Variants in RFC3 observed in about 807,000 individuals in gnomAD.
The protein encoded by RFC3 is replication factor C subunit 3.
RFC3 carries 41 observed loss-of-function variants against 45.1 expected under a neutral mutation model. The ratio of observed to expected loss-of-function variants is 0.91; its 90% CI spans 0.71 to 1.18. RFC3 has a LOEUF of 1.18. Ranked by LOEUF, RFC3 falls within the 50% of genes most tolerant of loss-of-function variation. The probability of loss-of-function intolerance (pLI) is 0.00; values close to 1 mark genes in which losing one functional copy is unlikely to be tolerated. For synonymous variants in RFC3, 149 were observed against 144.0 expected, an observed-to-expected ratio of 1.03 and a Z score of -0.25; for missense variants, 423 against 428.1, an observed-to-expected ratio of 0.99 and a Z score of 0.10.
chr13:33,914,663 T>C (rs145162053), intron 8 of RFC3, among the ~76,000 whole-genome samples: 380 of 152,208 alleles, frequency 2.5e-3, no homozygotes, highest in African/African-American at 8.8e-3. Flanking sequence ...TTTATAAGAA[T>C]AAATTGGAAA....
In RFC3 at chr13:33,825,887, G is replaced by T; in HGVS notation, c.391+1G>T. 1 of 1,593,396 alleles carries T rather than the reference G, an allele frequency of 6.3e-7. No homozygotes were observed. Among genetic ancestry groups the T allele is most frequent in the Non-Finnish European group, 8.6e-7 (1 of 1,166,786 alleles). On this transcript the variant is annotated splice_donor_variant, in intron 4 of 8. Transcript: ENST00000380071. LOFTEE classifies it high-confidence loss of function. Reference sequence around the variant, plus strand: ...ACAAACTCTCAAAGGGATTTTAAAGGTAGGTGATCAAAAGACTTCTTTTTA... The same window carrying T: ...ACAAACTCTCAAAGGGATTTTAAAGTTAGGTGATCAAAAGACTTCTTTTTA...
chr13:33,880,740 G>A (rs1858432055), intron 8 of RFC3, among the ~76,000 whole-genome samples: 1 of 152,180 alleles, frequency 6.6e-6, no homozygotes. Flanking sequence ...AAAGGTGTGT[G>A]TATAGGTGTG....
chr13:33,957,007 CTATT>C (rs1283535854), intron 8 of RFC3, among the ~76,000 whole-genome samples: 2 of 152,118 alleles, frequency 1.3e-5, no homozygotes, highest in East Asian at 3.8e-4. Context: ...TACCTACTAT[CTATT>C]ATCTATCATC....
At position 33,836,872 on chromosome 13, in the gene RFC3, A is replaced by G. The variant is rs1277754794; in HGVS notation, c.*577A>G. On this transcript the variant is annotated 3_prime_UTR_variant, in exon 9 of 9. Transcript: ENST00000380071. ...TCAGATTAGTATTAGGTCGGTACTA[A>G]GAAATAAGCATGTTTTCACTAATTT... is the stretch of plus-strand genomic sequence containing the variant. The G allele has an allele frequency of 4.1e-6, 4 of 984,468 alleles. No homozygotes were observed. The highest frequency in any genetic ancestry group is 4.8e-6 in the Non-Finnish European group (4 of 829,202). The allele number at this position is 984,468 out of a possible 1,614,324, so 61.0% of individuals were successfully genotyped here.
chr13:33,882,471 G>T lies in RFC3; in HGVS notation c.879+47254G>T, dbSNP rs115973268. On this transcript the variant is annotated intron_variant, in intron 8 of 8. Coordinates refer to the RFC3 transcript ENST00000434425. Reference sequence around the variant, plus strand: ...AGATGAGGCCTTTGGGATGTGATTAGATTATGAGGGTGGAGCCCTCATGAT... The same window carrying T: ...AGATGAGGCCTTTGGGATGTGATTATATTATGAGGGTGGAGCCCTCATGAT... Among the ~76,000 whole-genome samples, 820 of 152,278 alleles carry T rather than the reference G, an allele frequency of 5.4e-3. 5 individuals are homozygous for T. The highest frequency in any genetic ancestry group is 0.019 in the African/African-American group (780 of 41,558).
At chr13:33,846,572 T>A (rs1018313799) in intron 8 of RFC3, 4 of 152,314 alleles carry the variant, frequency 2.6e-5, no homozygotes, top group African/African-American at 9.7e-5. Flanking sequence ...TGCCTGGGAT[T>A]GGAGGAGGGG....
chr13:33,877,056 A>T (rs1463080944), intron 8 of RFC3, among the ~76,000 whole-genome samples: 1 of 152,236 alleles, frequency 6.6e-6, no homozygotes, highest in African/African-American at 2.4e-5. Context: ...GCTACTATTT[A>T]TTGATGGCTT....
intron 8 of RFC3, chr13:33,848,957 A>AAGGT (rs2082258079): frequency 6.6e-6 from 1 of 152,168 alleles, no homozygotes; most frequent in Non-Finnish European, 1.5e-5. Flanking sequence ...TGGCTTTTTT[A>AAGGT]AGGTACTGGG....
At chr13:33,912,965 T>G (rs1167918560) in intron 8 of RFC3, among the ~76,000 whole-genome samples, 1 of 152,044 alleles carries the variant, frequency 6.6e-6, no homozygotes, top group Non-Finnish European at 1.5e-5. Flanking sequence ...CAGATGCTAC[T>G]GAATCTATCT....
At chr13:33,934,174 G>GAA (rs200503031) in intron 8 of RFC3, among the ~76,000 whole-genome samples, 42 of 144,092 alleles carry the variant, frequency 2.9e-4, no homozygotes, top group African/African-American at 8.3e-4. Context: ...TCTACTAAAA[G>GAA]AAAAAAAAAA....
downstream of RFC3, among the ~76,000 whole-genome samples, chr13:33,841,448 C>G (rs2082197907): frequency 6.6e-6 from 1 of 152,158 alleles, no homozygotes; most frequent in Non-Finnish European, 1.5e-5. Flanking sequence ...TGTGGTTGCC[C>G]TCAATTTCAG....
intron 8 of RFC3, among the ~76,000 whole-genome samples, chr13:33,904,992 G>A (rs1170262420): frequency 1.3e-5 from 2 of 152,144 alleles, no homozygotes; most frequent in Non-Finnish European, 2.9e-5. Context: ...ATTGAAGGCA[G>A]CAATTATCTT....
chr13:33,826,272 A>G (rs972306096), intron 4 of RFC3, among the ~76,000 whole-genome samples: 1 of 152,194 alleles, frequency 6.6e-6, no homozygotes, highest in Non-Finnish European at 1.5e-5. Context: ...ATATGGATAC[A>G]TTCTTACTGG....
chr13:33,890,759 A>T (rs1232932263), intron 8 of RFC3, among the ~76,000 whole-genome samples: 2 of 152,176 alleles, frequency 1.3e-5, no homozygotes, highest in African/African-American at 4.8e-5. Context: ...TTGATGATGA[A>T]CATTGGCTCC....
At chr13:33,949,384 A>G (rs1452899665) in intron 8 of RFC3, among the ~76,000 whole-genome samples, 1 of 152,242 alleles carries the variant, frequency 6.6e-6, no homozygotes, top group Non-Finnish European at 1.5e-5. Flanking sequence ...GCAGTTCTTT[A>G]TAGCAGCCTA....
intron 8 of RFC3, among the ~76,000 whole-genome samples, chr13:33,900,834 A>C (rs1593678321): frequency 2.5e-4 from 1 of 3,944 alleles, no homozygotes; most frequent in Non-Finnish European, 1.2e-3. Context: ...ACTGAATAGC[A>C]AAAAAAAAAA....
rs896022665 is a variant in RFC3 at position 33,948,968 on chromosome 13, A to T, written c.880-17119A>T. Among the ~76,000 whole-genome samples, 13 of 152,134 alleles carry T rather than the reference A, an allele frequency of 8.5e-5. 1 individual carries two copies. Among genetic ancestry groups the T allele is most frequent in the African/African-American group, 3.1e-4 (13 of 41,416 alleles). ...ACTTTGGACTTGGACTTTTGGGTTA[A>T]TGCTGGAGTGAGTTAAGACTTTGGG... On this transcript the variant is annotated intron_variant, in intron 8 of 8. Coordinates refer to the RFC3 transcript ENST00000434425.
At chr13:33,930,796 A>G (rs926460717) in intron 8 of RFC3, among the ~76,000 whole-genome samples, 2 of 152,134 alleles carry the variant, frequency 1.3e-5, no homozygotes, top group Non-Finnish European at 2.9e-5. Context: ...TGGTGATAAA[A>G]TGAACAGCTT....
intron 8 of RFC3, among the ~76,000 whole-genome samples, chr13:33,906,195 G>A (rs1048999329): frequency 5.3e-5 from 8 of 152,054 alleles, no homozygotes; most frequent in Admixed American, 2.0e-4. Flanking sequence ...TATTGCCACA[G>A]CATCTTAAAA....
Sources: gnomAD v4.1 joint callset for allele counts (sites outside exome capture counted in the v4.1 genomes callset) on GRCh38, gnomAD v4.1.1 for gene constraint, MANE v1.5 for transcripts, NCBI Gene and HGNC (gene_info 2026-07-23, HGNC 2026-07-21) for gene names.